Variants in ANKS1B observed in about 807,000 individuals in gnomAD.
ANKS1B encodes the protein ankyrin repeat and sterile alpha motif domain-containing protein 1B.
Under a neutral mutation model 148.3 loss-of-function variants are expected in ANKS1B, and 36 were observed. That is an observed-to-expected ratio of 0.24 (90% CI 0.19 to 0.32). The LOEUF is 0.32. Ranked by LOEUF, ANKS1B falls within the 10% of genes least tolerant of loss-of-function variation. ANKS1B has a pLI of 1.00. For synonymous variants in ANKS1B, 542 were observed against 560.8 expected (o/e 0.97, Z 0.47); for missense variants, 1,157 against 1,542.6 (o/e 0.75, Z 4.19).
At chr12:99,164,336 T>C (rs905455001) in intron 14 of ANKS1B, among the ~76,000 whole-genome samples, 16 of 152,196 alleles carry the variant, frequency 1.1e-4, no homozygotes, top group Non-Finnish European at 1.5e-5. Flanking sequence ...TACATTTTAA[T>C]GGGCAAATAC....
chr12:99,241,318 G>T (rs1302965425), intron 14 of ANKS1B, among the ~76,000 whole-genome samples: 1 of 152,086 alleles, frequency 6.6e-6, no homozygotes, highest in Non-Finnish European at 1.5e-5. Flanking sequence ...TAAATTCCTG[G>T]ACACATACAC....
At chr12:98,900,189 C>A (rs1398325205) in intron 17 of ANKS1B, among the ~76,000 whole-genome samples, 1 of 152,170 alleles carries the variant, frequency 6.6e-6, no homozygotes, top group Non-Finnish European at 1.5e-5. Flanking sequence ...GAATTCCATT[C>A]TGTAAGAAAA....
At chr12:99,552,837 A>C (rs1407804902) in intron 9 of ANKS1B, among the ~76,000 whole-genome samples, 5 of 152,232 alleles carry the variant, frequency 3.3e-5, no homozygotes, top group Non-Finnish European at 1.5e-5. Flanking sequence ...TAGATTATCT[A>C]TAATAACTAA....
At chr12:98,943,775 T>A (rs2099840744) in intron 17 of ANKS1B, among the ~76,000 whole-genome samples, 1 of 152,242 alleles carries the variant, frequency 6.6e-6, no homozygotes, top group African/African-American at 2.4e-5. Flanking sequence ...CCGTCTACCC[T>A]AATATATTCA....
rs759625732 is a variant in ANKS1B, at chr12:99,059,788, C to CATATAT, written c.2626-6485_2626-6480dup. ...TAAGCCCAAAGACAAAACTAAAATT[C>CATATAT]ATATATATATATATATATGATAGGA... On this transcript the variant is annotated intron_variant, in intron 16 of 26. Transcript: ENST00000683438. Among the ~76,000 whole-genome samples the CATATAT allele has an allele frequency of 2.0e-4, 18 of 90,320 alleles. 4 individuals carry two copies. In the East Asian group the frequency reaches 2.0e-3, roughly 10 times the overall value. 59.3% of individuals were successfully genotyped at this position (90,320 alleles called of 152,430 possible). A position where few individuals can be genotyped will look rare whatever the true frequency, so the allele number is the denominator to read the frequency against.
chr12:98,846,609 G>C (rs1191967753), intron 17 of ANKS1B, among the ~76,000 whole-genome samples: 2 of 152,236 alleles, frequency 1.3e-5, no homozygotes, highest in Non-Finnish European at 2.9e-5. Context: ...AGGATGCTTT[G>C]AGGGCCAGAA....
intron 12 of ANKS1B, among the ~76,000 whole-genome samples, chr12:99,373,020 C>A (rs1410020598): frequency 6.6e-6 from 1 of 152,070 alleles, no homozygotes; most frequent in Non-Finnish European, 1.5e-5. Context: ...ATAGATAGAT[C>A]ATGAAAGTTT....
Position 99,477,530 on chromosome 12 carries a change from C to T in ANKS1B, c.1438+26946G>A, listed in dbSNP as rs1411868772. ...GCTCCATACTTAACTAGCAATGCCA[C>T]CTTGAGTAAGTTACTTAATTTCTCT... On this transcript the variant is annotated intron_variant, in intron 10 of 26. Coordinates refer to ENST00000683438, the MANE Select transcript of ANKS1B (RefSeq NM_001352186.2). Among the ~76,000 whole-genome samples, 6 of 152,060 alleles carry T rather than the reference C, an allele frequency of 3.9e-5. No individual in the cohort carries two copies. In the East Asian group the frequency reaches 7.7e-4, roughly 20 times the overall value.
At chr12:99,477,459 G>A (rs537169362) in intron 10 of ANKS1B, among the ~76,000 whole-genome samples, 42 of 151,966 alleles carry the variant, frequency 2.8e-4, no homozygotes, top group African/African-American at 9.4e-4. Flanking sequence ...AACCAGCTTG[G>A]TTTGTCAGCC....
chr12:99,054,714 T>C (rs931471979), intron 16 of ANKS1B, among the ~76,000 whole-genome samples: 2 of 152,112 alleles, frequency 1.3e-5, no homozygotes, highest in African/African-American at 4.8e-5. Flanking sequence ...AATTTTTGTA[T>C]GTGTCTCTAC....
chr12:99,533,962 C>A (rs2097032082), intron 9 of ANKS1B, among the ~76,000 whole-genome samples: 1 of 152,066 alleles, frequency 6.6e-6, no homozygotes, highest in Admixed American at 6.5e-5. Flanking sequence ...AATGGCCTCC[C>A]AAAACCTTCC....
At chr12:98,774,477 CTTCTT>C (rs2098646410) in intron 24 of ANKS1B, among the ~76,000 whole-genome samples, 1 of 152,192 alleles carries the variant, frequency 6.6e-6, no homozygotes, top group African/African-American at 2.4e-5. Context: ...CTGCTAGAAA[CTTCTT>C]TTGATACATA....
intron 17 of ANKS1B, among the ~76,000 whole-genome samples, chr12:98,850,737 G>T (rs1368356235): frequency 6.6e-6 from 1 of 151,474 alleles, no homozygotes; most frequent in Non-Finnish European, 1.5e-5. Context: ...GAAGTGCTGG[G>T]ATTACAGGCG....
At chr12:99,814,416 A>T (rs2153669863) in intron 2 of ANKS1B, among the ~76,000 whole-genome samples, 1 of 151,932 alleles carries the variant, frequency 6.6e-6, no homozygotes, top group Non-Finnish European at 1.5e-5. Context: ...ATACTTTAGA[A>T]GTGAAATGAA....
intron 6 of ANKS1B, among the ~76,000 whole-genome samples, chr12:99,778,502 C>G (rs374408982): frequency 7.8e-6 from 1 of 128,728 alleles, no homozygotes; most frequent in African/African-American, 3.1e-5. Context: ...GAGCAAAACT[C>G]TTTCTCAAAA....
chr12:99,514,324 T>C (rs2096794763), intron 9 of ANKS1B, among the ~76,000 whole-genome samples: 1 of 152,052 alleles, frequency 6.6e-6, no homozygotes, highest in African/African-American at 2.4e-5. Context: ...ATAATCTTCA[T>C]ATAGTACGTA....
intron 12 of ANKS1B, among the ~76,000 whole-genome samples, chr12:99,294,056 G>A (rs1003279690): frequency 3.9e-5 from 6 of 152,126 alleles, no homozygotes; most frequent in African/African-American, 1.2e-4. Flanking sequence ...GGAGAAAAGG[G>A]AACCCTCGTA....
intron 17 of ANKS1B, among the ~76,000 whole-genome samples, chr12:98,845,185 C>T (rs981310483): frequency 6.6e-6 from 1 of 152,126 alleles, no homozygotes; most frequent in African/African-American, 2.4e-5. Context: ...GCTATTACAA[C>T]CTAACAAGGC....
At chr12:99,557,028 T>C (rs1244547328) in intron 9 of ANKS1B, among the ~76,000 whole-genome samples, 3 of 152,188 alleles carry the variant, frequency 2.0e-5, no homozygotes, top group East Asian at 3.8e-4. Flanking sequence ...GGTACAACAC[T>C]GTAAGTGAGA....
Sources: allele counts gnomAD v4.1 joint callset (sites outside exome capture counted in the v4.1 genomes callset), GRCh38; gene constraint gnomAD v4.1.1; transcripts MANE v1.5; gene names NCBI Gene and HGNC (gene_info 2026-07-23, HGNC 2026-07-21).